The following GLRA2 variants were observed in gnomAD, a reference collection of about 807,000 sequenced individuals.
The protein encoded by GLRA2 is glycine receptor subunit alpha-2.
Under a neutral mutation model 31.6 loss-of-function variants are expected in GLRA2, and 11 were observed. The observed-to-expected ratio is 0.35, with a 90% CI of 0.22 to 0.58. The LOEUF (loss-of-function observed/expected upper bound fraction) is 0.58. Ranked by LOEUF, GLRA2 falls within the 20% of genes least tolerant of loss-of-function variation. The pLI, the probability that GLRA2 is intolerant of heterozygous loss-of-function variation, is 0.84. For synonymous variants in GLRA2, 132 were observed against 134.0 expected, an observed-to-expected ratio of 0.99 and a Z score of 0.10; for missense variants, 212 against 351.8, an observed-to-expected ratio of 0.60 and a Z score of 3.18.
At chrX:14,643,382 G>A in intron 7 of GLRA2, among the ~76,000 whole-genome samples, 1 of 111,595 alleles carries the variant, frequency 9.0e-6, no homozygotes, top group East Asian at 2.8e-4. Flanking sequence ...GAACATACCT[G>A]GTTTCTTCTC....
chrX:14,718,864 T>TC (rs1233444042), intron 8 of GLRA2, among the ~76,000 whole-genome samples: 1 of 111,898 alleles, frequency 8.9e-6, no homozygotes. Context: ...TACAGTGTCA[T>TC]CTTCACTGCA....
chrX:14,461,073 A>G, the GLRA2 span, among the ~76,000 whole-genome samples: 27,490 of 110,773 alleles, frequency 0.25, 2,810 homozygotes, highest in African/African-American at 0.39. Flanking sequence ...TGTTCTCATT[A>G]TTTTCAAAGA....
chrX:14,567,052 G>A lies in GLRA2; in HGVS notation c.203-7281G>A, dbSNP rs773619581. Among the ~76,000 whole-genome samples, 3 of 111,651 alleles carry A rather than the reference G, an allele frequency of 2.7e-5. No homozygotes were observed. In the South Asian group the frequency reaches 1.1e-3, roughly 43 times the overall value. ...CTTGCAATCTGACCCCTGACAGTGA[G>A]GCAGCCCCAAAGCGTACAGATGTGG... On this transcript the variant is annotated intron_variant, in intron 2 of 8. Coordinates refer to ENST00000218075, the MANE Select transcript of GLRA2 (RefSeq NM_002063.4).
intron 7 of GLRA2, among the ~76,000 whole-genome samples, chrX:14,682,376 G>A (rs1230372957): frequency 9.0e-6 from 1 of 110,976 alleles, no homozygotes; most frequent in Non-Finnish European, 1.9e-5. Flanking sequence ...TGTAAGGCAG[G>A]TGGTGATCTT....
intron 7 of GLRA2, among the ~76,000 whole-genome samples, chrX:14,667,014 A>G (rs1458607483): frequency 8.9e-6 from 1 of 112,387 alleles, no homozygotes; most frequent in African/African-American, 3.2e-5. Flanking sequence ...TCATCTTTGT[A>G]TACTTCTCAG....
the GLRA2 span, among the ~76,000 whole-genome samples, chrX:14,510,812 C>A: frequency 8.9e-6 from 1 of 111,877 alleles, no homozygotes; most frequent in African/African-American, 3.2e-5. Context: ...GATTTGTCAT[C>A]CATTGTTCAT....
At chrX:14,505,571 T>C in the GLRA2 span, among the ~76,000 whole-genome samples, 1 of 111,993 alleles carries the variant, frequency 8.9e-6, no homozygotes, top group East Asian at 2.8e-4. Flanking sequence ...ATGTACCTTA[T>C]AGCTAACACA....
the GLRA2 span, among the ~76,000 whole-genome samples, chrX:14,477,694 C>T: frequency 9.0e-6 from 1 of 111,343 alleles, no homozygotes; most frequent in South Asian, 3.8e-4. Flanking sequence ...TCACTAACTG[C>T]CCAAACACCA....
At chrX:14,637,060 A>T (rs1180434574) in intron 7 of GLRA2, among the ~76,000 whole-genome samples, 1 of 111,738 alleles carries the variant, frequency 8.9e-6, no homozygotes, top group Non-Finnish European at 1.9e-5. Context: ...TATTCATGTT[A>T]AAAAAAATAC....
intron 4 of GLRA2, among the ~76,000 whole-genome samples, chrX:14,593,207 G>A (rs751797858): frequency 6.4e-5 from 7 of 109,892 alleles, no homozygotes; most frequent in African/African-American, 2.0e-4. Context: ...TTTTAAAATG[G>A]AAAAAAAAAT....
At chrX:14,643,247 C>T (rs2090794565) in intron 7 of GLRA2, among the ~76,000 whole-genome samples, 1 of 111,893 alleles carries the variant, frequency 8.9e-6, no homozygotes, top group Admixed American at 9.5e-5. Context: ...TTGAATTCAG[C>T]ATTGTGAGAC....
At position 14,604,399 on chromosome X, in the gene GLRA2, TA is replaced by T; in HGVS notation, c.577+4del. The T allele has an allele frequency of 9.2e-7, 1 of 1,089,554 alleles. No individual in the cohort carries two copies. The highest frequency in any genetic ancestry group is 1.3e-6 in the Non-Finnish European group (1 of 786,402). The allele number at this position is 1,089,554 out of a possible 1,213,427, so 89.8% of individuals were successfully genotyped here. Reference sequence around the variant, plus strand: ...CCTGTACAATGCAGCTGGAGAGTTGTAAGTCACCACTGTTGAAATGACTCCC... The same window carrying T: ...CCTGTACAATGCAGCTGGAGAGTTGTAGTCACCACTGTTGAAATGACTCCC... On this transcript the variant is annotated splice_donor_region_variant and intron_variant, in intron 5 of 8. Coordinates refer to ENST00000218075, the MANE Select transcript of GLRA2 (RefSeq NM_002063.4).
At chrX:14,524,456 C>T (rs1231165925), upstream of GLRA2, among the ~76,000 whole-genome samples, 2 of 112,045 alleles carry the variant, frequency 1.8e-5, no homozygotes, top group Admixed American at 1.9e-4. Flanking sequence ...TCTGGGAAAG[C>T]ATCTCTAACA....
intron 2 of GLRA2, among the ~76,000 whole-genome samples, chrX:14,561,324 C>A (rs1398039374): frequency 8.9e-6 from 1 of 112,438 alleles, no homozygotes; most frequent in African/African-American, 3.2e-5. Context: ...ATGGAAAGAC[C>A]ATGGAATTTA....
intron 4 of GLRA2, among the ~76,000 whole-genome samples, chrX:14,588,068 A>C (rs759441081): frequency 1.2e-4 from 13 of 110,426 alleles, no homozygotes; most frequent in Non-Finnish European, 2.3e-4. Flanking sequence ...CACCATGCCC[A>C]ACTAATTTTT....
chrX:14,499,741 T>TTGGG, the GLRA2 span, among the ~76,000 whole-genome samples: 1 of 111,191 alleles, frequency 9.0e-6, no homozygotes, highest in Non-Finnish European at 1.9e-5. Flanking sequence ...AAACCTCCTT[T>TTGGG]TGGGTACTAT....
chrX:14,628,022 G>T (rs1601780696), intron 7 of GLRA2, among the ~76,000 whole-genome samples: 1 of 110,762 alleles, frequency 9.0e-6, no homozygotes, highest in African/African-American at 3.3e-5. Flanking sequence ...CAAGAATTAG[G>T]TAATGGTCAT....
intron 8 of GLRA2, among the ~76,000 whole-genome samples, chrX:14,699,893 C>CCACT (rs2091514331): frequency 8.9e-6 from 1 of 111,902 alleles, no homozygotes; most frequent in African/African-American, 3.3e-5. Context: ...AAACCAAATA[C>CCACT]CACTCATTCT....
intron 8 of GLRA2, among the ~76,000 whole-genome samples, chrX:14,698,346 T>C (rs372303071): frequency 2.7e-5 from 3 of 110,958 alleles, no homozygotes; most frequent in Non-Finnish European, 5.7e-5. Flanking sequence ...CAGAAATGCA[T>C]TGTGGCCTGA....
Sources: gnomAD v4.1 joint callset for allele counts (sites outside exome capture counted in the v4.1 genomes callset) on GRCh38, gnomAD v4.1.1 for gene constraint, MANE v1.5 for transcripts, NCBI Gene and HGNC (gene_info 2026-07-23, HGNC 2026-07-21) for gene names.